SNRNP48: variants seen among roughly 807,000 people sequenced by gnomAD.
SNRNP48 encodes U11/U12 small nuclear ribonucleoprotein 48 kDa protein.
SNRNP48 carries 43 observed loss-of-function variants against 47.0 expected under a neutral mutation model. The ratio of observed to expected loss-of-function variants is 0.92; its 90% CI spans 0.72 to 1.18. The LOEUF is 1.18. Ranked by LOEUF, SNRNP48 falls within the 50% of genes most tolerant of loss-of-function variation. SNRNP48 has a pLI of 0.00. For missense variants in SNRNP48, 396 were observed against 422.2 expected, an observed-to-expected ratio of 0.94 and a Z score of 0.54; for synonymous variants, 138 against 144.0, an observed-to-expected ratio of 0.96 and a Z score of 0.30.
In SNRNP48 at chr6:7,602,841, A is replaced by G. The variant is rs545482435; in HGVS notation, c.717+97A>G. The G allele has an allele frequency of 2.1e-3, 2,553 of 1,215,112 alleles. 2 individuals are homozygous for G. The highest frequency in any genetic ancestry group is 2.6e-3 in the Non-Finnish European group (2,332 of 902,302). 75.3% of individuals were successfully genotyped at this position (1,215,112 alleles called of 1,614,324 possible). On this transcript the variant is annotated intron_variant, in intron 6 of 8. Coordinates refer to ENST00000342415, the MANE Select transcript of SNRNP48 (RefSeq NM_152551.4). ...CACAATTCTTTGGAAATTTTCTGAA[A>G]GTGTCTTCAGGGTGGCCACACCTGA...
chr6:7,597,434 T>C (rs1414676705), intron 4 of SNRNP48, among the ~76,000 whole-genome samples: 1 of 152,226 alleles, frequency 6.6e-6, no homozygotes, highest in Non-Finnish European at 1.5e-5. Context: ...TGTAAACCTG[T>C]TTTAAAGAAA....
rs1019384413 is a variant in SNRNP48, at chr6:7,609,778, A to G, written c.*905A>G. On this transcript the variant is annotated 3_prime_UTR_variant, in exon 9 of 9. Transcript: ENST00000342415. ...AATCAACTGAATTGAGGTACTATTT[A>G]CTTAGATTTATTGCACCCTTTTTAC... 1.3e-5 allele frequency: 2 copies of G among 152,176 alleles called. No homozygotes were observed. Among genetic ancestry groups the G allele is most frequent in the African/African-American group, 2.4e-5 (1 of 41,442 alleles). The allele number at this position is 152,176 out of a possible 1,614,324, so 9.4% of individuals were successfully genotyped here.
At chr6:7,601,850 GT>G (rs200397081) in intron 5 of SNRNP48, among the ~76,000 whole-genome samples, 2 of 151,646 alleles carry the variant, frequency 1.3e-5, no homozygotes, top group East Asian at 1.9e-4. Flanking sequence ...GGTTTTTGGT[GT>G]TTTTTTTGTT....
At chr6:7,603,525 T>C (rs2113721703) in intron 6 of SNRNP48, among the ~76,000 whole-genome samples, 1 of 152,366 alleles carries the variant, frequency 6.6e-6, no homozygotes, top group Admixed American at 6.5e-5. Context: ...AGCATGTCTC[T>C]TAAACTATAT....
chr6:7,610,466 T>C lies in SNRNP48; in HGVS notation c.*1593T>C, dbSNP rs1450072184. 6.6e-6 allele frequency: 1 copy of C among 152,236 alleles called. No individual in the cohort carries two copies. The highest frequency in any genetic ancestry group is 6.5e-5 in the Admixed American group (1 of 15,288). 9.4% of individuals were successfully genotyped at this position (152,236 alleles called of 1,614,324 possible). A position where few individuals can be genotyped will look rare whatever the true frequency, so the allele number is the denominator to read the frequency against. ...ACTGATGAATCATGAAATTGCTGCT[T>C]TTATAGATCAAAACTACTTGAATCA... is the stretch of plus-strand genomic sequence containing the variant. On this transcript the variant is annotated 3_prime_UTR_variant, in exon 9 of 9. Coordinates refer to ENST00000342415, the MANE Select transcript of SNRNP48 (RefSeq NM_152551.4).
At position 7,606,024 on chromosome 6, in the gene SNRNP48, GT is replaced by G. The variant is rs1232471148; in HGVS notation, c.807-3del. Reference sequence around the variant, plus strand: ...CAAACTGATTAACATTCTTTTCTGTGTTTTAGGAATGAAGAAAGGCGATCAG... The same window carrying G: ...CAAACTGATTAACATTCTTTTCTGTGTTTAGGAATGAAGAAAGGCGATCAG... On this transcript the variant is annotated splice_region_variant and splice_polypyrimidine_tract_variant and intron_variant, in intron 7 of 8. Transcript: ENST00000342415. The G allele has an allele frequency of 1.3e-6, 2 of 1,593,786 alleles. No homozygotes were observed. Among genetic ancestry groups the G allele is most frequent in the Non-Finnish European group, 1.7e-6 (2 of 1,174,392 alleles).
rs934299417 is a variant in SNRNP48, at chr6:7,611,409, C to T, written c.*2536C>T. 2 of 152,178 alleles carry T rather than the reference C, an allele frequency of 1.3e-5. No homozygotes were observed. Among genetic ancestry groups the T allele is most frequent in the African/African-American group, 4.8e-5 (2 of 41,432 alleles). 9.4% of individuals were successfully genotyped at this position (152,178 alleles called of 1,614,324 possible). On this transcript the variant is annotated 3_prime_UTR_variant, in exon 9 of 9. Coordinates refer to ENST00000342415, the MANE Select transcript of SNRNP48 (RefSeq NM_152551.4). ...TCTCACTATGTTCTCCAGCTGGTCT[C>T]AAGCTCCTGGCCTCGGCCTCCTAAA...
At chr6:7,600,525 CA>C (rs1435546275) in intron 4 of SNRNP48, 1 of 152,150 alleles carries the variant, frequency 6.6e-6, no homozygotes, top group Non-Finnish European at 1.5e-5. Flanking sequence ...CAGTTCCAAT[CA>C]TTTTTTTATT....
intron 8 of SNRNP48, among the ~76,000 whole-genome samples, chr6:7,607,581 A>G (rs1760151056): frequency 6.6e-6 from 1 of 152,128 alleles, no homozygotes; most frequent in Admixed American, 6.5e-5. Flanking sequence ...GACCCATCTC[A>G]GCCATTTCCT....
chr6:7,606,635 CT>C (rs1338799055), intron 8 of SNRNP48, among the ~76,000 whole-genome samples: 1 of 152,060 alleles, frequency 6.6e-6, no homozygotes, highest in Non-Finnish European at 1.5e-5. Flanking sequence ...TCAATTTTGC[CT>C]TTGTTAGTAA....
In SNRNP48 at chr6:7,610,414, A is replaced by T. The variant is rs1453064596; in HGVS notation, c.*1541A>T. The T allele has an allele frequency of 6.6e-6, 1 of 152,212 alleles. No homozygotes were observed. Among genetic ancestry groups the T allele is most frequent in the African/African-American group, 2.4e-5 (1 of 41,454 alleles). The allele number at this position is 152,212 out of a possible 1,614,324, so 9.4% of individuals were successfully genotyped here. On this transcript the variant is annotated 3_prime_UTR_variant, in exon 9 of 9. Coordinates refer to ENST00000342415, the MANE Select transcript of SNRNP48 (RefSeq NM_152551.4). ...TAAATATATAAAATCCACATTTAAA[A>T]ATTATAAAAGCAAGGACTTGGGAGT...
intron 4 of SNRNP48, chr6:7,600,137 C>T (rs1339351698): frequency 1.0e-6 from 1 of 993,450 alleles, no homozygotes; most frequent in Non-Finnish European, 1.2e-6. Context: ...CCTTTTTTCC[C>T]CATTAATTCA....
intron 1 of SNRNP48, among the ~76,000 whole-genome samples, chr6:7,592,972 T>C (rs1759845321): frequency 6.6e-6 from 1 of 152,106 alleles, no homozygotes; most frequent in East Asian, 1.9e-4. Context: ...AATAGAAAAG[T>C]ACAAAAGGAA....
chr6:7,599,839 C>G, intron 4 of SNRNP48: 1 of 1,150,196 alleles, frequency 8.7e-7, no homozygotes, highest in South Asian at 1.6e-5. Context: ...GGTTGAATTA[C>G]AAGGAATTTA....
chr6:7,606,075 G>A lies in SNRNP48; in HGVS notation c.851G>A (p.Gly284Asp). The change falls in exon 8 of 9, where the codon GGT (glycine) becomes GAT (aspartate). Residue 284 changes from glycine to aspartate, a missense_variant. Transcript: ENST00000342415. ...GCTTCAGTAGATTCACGGCAGTCTG[G>A]TGGAAGCTATTTGGATGCTGAGTGT... Reference protein sequence around the residue: ...RSASVDSRQSGGSYLDAECSR... With the variant: ...RSASVDSRQSDGSYLDAECSR... 1 of 1,612,244 alleles carries A rather than the reference G, an allele frequency of 6.2e-7. No homozygotes were observed. Among genetic ancestry groups the A allele is most frequent in the Non-Finnish European group, 8.5e-7 (1 of 1,179,606 alleles).
intron 6 of SNRNP48, 109 bp from the exon 7 acceptor site, chr6:7,605,289 T>A: frequency 1.2e-6 from 1 of 828,216 alleles, no homozygotes; most frequent in Non-Finnish European, 2.0e-6. Context: ...GTCAATTATG[T>A]CATAGCACTT....
At chr6:7,598,065 C>T (rs1267411209) in intron 4 of SNRNP48, among the ~76,000 whole-genome samples, 1 of 151,546 alleles carries the variant, frequency 6.6e-6, no homozygotes, top group African/African-American at 2.4e-5. Context: ...GACGGGGTTT[C>T]ACTGTGTTAG....
rs796798772 is a variant in SNRNP48, at chr6:7,609,906, T to C, written c.*1033T>C. 1 of 152,108 alleles carries C rather than the reference T, an allele frequency of 6.6e-6. No homozygotes were observed. Among genetic ancestry groups the C allele is most frequent in the Non-Finnish European group, 1.5e-5 (1 of 68,004 alleles). The allele number at this position is 152,108 out of a possible 1,614,324, so 9.4% of individuals were successfully genotyped here. ...TGCCCCCAAAATTCTCATACCCCCT[T>C]TCCCAATCAATTCCTCTACCCCTAG... On this transcript the variant is annotated 3_prime_UTR_variant, in exon 9 of 9. Coordinates refer to ENST00000342415, the MANE Select transcript of SNRNP48 (RefSeq NM_152551.4).
intron 5 of SNRNP48, 78 bp downstream of exon 5, chr6:7,601,602 T>C: frequency 2.2e-6 from 3 of 1,339,632 alleles, no homozygotes; most frequent in Non-Finnish European, 2.0e-6. Flanking sequence ...GATTTAATTC[T>C]TGGGCCACTT....
Sources: gnomAD v4.1 joint callset for allele counts (sites outside exome capture counted in the v4.1 genomes callset) on GRCh38, gnomAD v4.1.1 for gene constraint, MANE v1.5 for transcripts, NCBI Gene and HGNC (gene_info 2026-07-23, HGNC 2026-07-21) for gene names.